Variants in SLC35D1 observed in about 807,000 individuals in gnomAD.
SLC35D1 encodes the protein solute carrier family 35 member D1.
Under a neutral mutation model 46.7 loss-of-function variants are expected in SLC35D1, and 31 were observed. The ratio of observed to expected loss-of-function variants is 0.66; its 90% CI spans 0.50 to 0.90. The LOEUF is 0.90. SLC35D1 is among the 40% of genes least tolerant of loss of function. SLC35D1 has a pLI of 0.00. For synonymous variants in SLC35D1, 195 were observed against 164.6 expected (o/e 1.18, Z -1.41); for missense variants, 397 against 426.2 (o/e 0.93, Z 0.60).
At chr1:67,021,704 CAGACACAGACACAG>C (rs1310102986) in intron 8 of SLC35D1, 102 bp from the exon 9 acceptor site, 21 of 303,582 alleles carry the variant, frequency 6.9e-5, no homozygotes, top group African/African-American at 4.7e-4. Context: ...AACACAGACA[CAGACACAGACACAG>C]ACACAGACAC....
chr1:66,990,695 T>C, the SLC35D1 span, among the ~76,000 whole-genome samples: 10 of 152,320 alleles, frequency 6.6e-5, no homozygotes, highest in East Asian at 1.7e-3. Context: ...TATTTTCGTG[T>C]ATATGTATAG....
At chr1:67,019,805 C>A (rs1403376230) in intron 10 of SLC35D1, among the ~76,000 whole-genome samples, 1 of 152,190 alleles carries the variant, frequency 6.6e-6, no homozygotes, top group Admixed American at 6.5e-5. Context: ...TTCAAGCCAC[C>A]AACTTTAGCT....
the SLC35D1 span, among the ~76,000 whole-genome samples, chr1:66,992,233 A>T: frequency 6.6e-6 from 1 of 152,250 alleles, no homozygotes; most frequent in African/African-American, 2.4e-5. Flanking sequence ...TGTGGATTTC[A>T]GAACTGCAAA....
the SLC35D1 span, among the ~76,000 whole-genome samples, chr1:66,993,896 TAA>T: frequency 6.6e-6 from 1 of 152,190 alleles, no homozygotes; most frequent in African/African-American, 2.4e-5. Flanking sequence ...CTTGGAAACA[TAA>T]GTTAGTCACC....
intron 6 of SLC35D1, 121 bp downstream of exon 6, chr1:67,049,661 A>C: frequency 2.2e-6 from 2 of 906,358 alleles, no homozygotes; most frequent in Non-Finnish European, 3.5e-6. Context: ...AGAGTCTTCT[A>C]GATGCTTTTC....
intron 7 of SLC35D1, among the ~76,000 whole-genome samples, chr1:67,042,591 G>C (rs112084587): frequency 3.3e-4 from 50 of 152,068 alleles, no homozygotes; most frequent in Non-Finnish European, 6.5e-4. Context: ...AAATAAAAAT[G>C]ACTACTGGCT....
chr1:67,044,338 A>T (rs1214623905), intron 7 of SLC35D1, among the ~76,000 whole-genome samples: 8 of 152,136 alleles, frequency 5.3e-5, no homozygotes, highest in Admixed American at 2.6e-4. Context: ...ATCTGAAAAA[A>T]AAAAAAAAAA....
chr1:67,051,010 A>G (rs1645302885), intron 4 of SLC35D1, among the ~76,000 whole-genome samples: 1 of 152,224 alleles, frequency 6.6e-6, no homozygotes, highest in South Asian at 2.1e-4. Context: ...ATCTCACTCC[A>G]AAGTGCCTTA....
At chr1:67,022,923 A>T (rs533345777) in intron 8 of SLC35D1, among the ~76,000 whole-genome samples, 2 of 152,268 alleles carry the variant, frequency 1.3e-5, no homozygotes, top group South Asian at 4.2e-4. Context: ...TACAAGTGGA[A>T]TTGTATAGCA....
rs7524015 is a variant in SLC35D1, at chr1:67,052,565, T to G, written c.324+206A>C. Among the ~76,000 whole-genome samples, 2,387 of 152,200 alleles carry G rather than the reference T, an allele frequency of 0.016. 65 individuals are homozygous for G. Among genetic ancestry groups the G allele is most frequent in the African/African-American group, 0.055 (2,297 of 41,520 alleles). On this transcript the variant is annotated intron_variant, in intron 3 of 11. Transcript: ENST00000235345. ...GCATTAATTAAAAACAGAAGAATAT[T>G]CCTAGGTTATTTTTTCTCTTAAGTT... is the stretch of plus-strand genomic sequence containing the variant.
At chr1:66,976,888 C>G in the SLC35D1 span, among the ~76,000 whole-genome samples, 971 of 152,180 alleles carry the variant, frequency 6.4e-3, 9 homozygotes, top group African/African-American at 0.022. Flanking sequence ...TTAAACTTTA[C>G]CATCTATTAT....
chr1:67,029,049 A>T (rs1423036987), intron 8 of SLC35D1, among the ~76,000 whole-genome samples: 1 of 152,218 alleles, frequency 6.6e-6, no homozygotes, highest in Non-Finnish European at 1.5e-5. Flanking sequence ...GTGTTATTCC[A>T]TCATGGCTAG....
intron 8 of SLC35D1, among the ~76,000 whole-genome samples, chr1:67,033,594 T>C (rs1212707602): frequency 1.3e-5 from 2 of 152,292 alleles, no homozygotes; most frequent in South Asian, 2.1e-4. Context: ...TTTTTTCCTA[T>C]AGAGCTGTTT....
At chr1:66,984,837 T>G in the SLC35D1 span, 3 of 1,609,644 alleles carry the variant, frequency 1.9e-6, no homozygotes, top group East Asian at 6.7e-5. Context: ...CAGGTTCTTC[T>G]GAATTTTTCC....
At chr1:67,032,130 A>T in intron 8 of SLC35D1, 1 of 977,106 alleles carries the variant, frequency 1.0e-6, no homozygotes, top group Non-Finnish European at 1.2e-6. Flanking sequence ...TAATAAACAA[A>T]GATGCTTCTT....
rs896235866 is a variant in SLC35D1 at position 67,003,714 on chromosome 1, A to G, written c.*626T>C. On this transcript the variant is annotated 3_prime_UTR_variant, in exon 12 of 12. Transcript: ENST00000235345. ...CATTATCCCCATTCTACACAACAAA[A>G]AAAGAACATGTTTTCAAGGAATGCA... 6.5e-6 allele frequency: 1 copy of G among 153,886 alleles called. No individual in the cohort carries two copies. The highest frequency in any genetic ancestry group is 1.4e-5 in the Non-Finnish European group (1 of 69,090). 9.5% of individuals were successfully genotyped at this position (153,886 alleles called of 1,614,324 possible). A position where few individuals can be genotyped will look rare whatever the true frequency, so the allele number is the denominator to read the frequency against.
the SLC35D1 span, chr1:66,988,415 G>A: frequency 6.6e-6 from 1 of 151,954 alleles, no homozygotes; most frequent in Admixed American, 6.6e-5. Context: ...CTGATTTCAT[G>A]TATCTGAATA....
Position 67,047,358 on chromosome 1 carries a change from C to T in SLC35D1, c.543G>A (p.Leu181=). 2 of 1,612,790 alleles carry T rather than the reference C, an allele frequency of 1.2e-6. No individual in the cohort carries two copies. The highest frequency in any genetic ancestry group is 1.7e-6 in the Non-Finnish European group (2 of 1,179,734). The change falls in exon 7 of 12, where the codon TTG becomes TTA. Residue 181 remains leucine, a synonymous_variant. Transcript: ENST00000235345. ...AAGCATATCCTTCCAGATCAAATGC[C>T]AAGTCAGAGCTGCAAAACATAAGCA... The part of the protein sequence containing the change: ...IGAFVAASSD[L]AFDLEGYAFI...
intron 8 of SLC35D1, among the ~76,000 whole-genome samples, chr1:67,022,929 T>C (rs935881328): frequency 6.6e-6 from 1 of 152,224 alleles, no homozygotes; most frequent in Non-Finnish European, 1.5e-5. Context: ...TGGAATTGTA[T>C]AGCATGTACT....
Sources: gnomAD v4.1 joint callset for allele counts (sites outside exome capture counted in the v4.1 genomes callset) on GRCh38, gnomAD v4.1.1 for gene constraint, MANE v1.5 for transcripts, NCBI Gene and HGNC (gene_info 2026-07-23, HGNC 2026-07-21) for gene names.